PCDH15: variants seen among roughly 807,000 people sequenced by gnomAD.
PCDH15 encodes protocadherin-15.
A neutral mutation model predicts 178.5 loss-of-function variants in PCDH15; 129 were observed. The ratio of observed to expected loss-of-function variants is 0.72; its 90% CI spans 0.63 to 0.84. The LOEUF (loss-of-function observed/expected upper bound fraction) is 0.84, where lower values mean the gene tolerates loss of function less well. PCDH15 is among the 40% of genes least tolerant of loss of function. PCDH15 has a pLI of 0.00. For synonymous variants in PCDH15, 800 were observed against 732.0 expected, an observed-to-expected ratio of 1.09 and a Z score of -1.50; for missense variants, 2,230 against 2,099.9, an observed-to-expected ratio of 1.06 and a Z score of -1.21.
intron 16 of PCDH15, among the ~76,000 whole-genome samples, chr10:54,081,830 T>C (rs1323323526): frequency 6.6e-6 from 1 of 151,780 alleles, no homozygotes; most frequent in African/African-American, 2.4e-5. Context: ...AGGAGTGATG[T>C]CAGTGGAAAT....
At chr10:54,671,655 A>G (rs1430385168) in intron 1 of PCDH15, among the ~76,000 whole-genome samples, 1 of 152,232 alleles carries the variant, frequency 6.6e-6, no homozygotes, top group Non-Finnish European at 1.5e-5. Context: ...CATTTATAGC[A>G]TAAGTGTTTA....
intron 2 of PCDH15, among the ~76,000 whole-genome samples, chr10:54,581,808 A>G (rs2091070714): frequency 6.6e-6 from 1 of 152,086 alleles, no homozygotes; most frequent in Admixed American, 6.6e-5. Flanking sequence ...AAGTTGACAA[A>G]AGTGAACGCT....
intron 3 of PCDH15, among the ~76,000 whole-genome samples, chr10:54,522,087 CAAAAAAA>C (rs11313978): frequency 2.9e-4 from 17 of 58,880 alleles, no homozygotes; most frequent in African/African-American, 5.7e-4. Context: ...GAATCCATCT[CAAAAAAA>C]AAAAAAAAAA....
intron 2 of PCDH15, among the ~76,000 whole-genome samples, chr10:54,662,605 G>A (rs1000393614): frequency 2.0e-5 from 3 of 151,830 alleles, no homozygotes; most frequent in Non-Finnish European, 4.4e-5. Flanking sequence ...ACAAGCTTAC[G>A]AAGAAAACCA....
intron 2 of PCDH15, among the ~76,000 whole-genome samples, chr10:55,482,399 A>G (rs1463058241): frequency 6.6e-6 from 1 of 151,564 alleles, no homozygotes; most frequent in East Asian, 1.9e-4. Context: ...TGTTTTCATG[A>G]TTGCTTTATA....
At chr10:54,221,738 G>C (rs2052840690) in intron 9 of PCDH15, among the ~76,000 whole-genome samples, 1 of 152,006 alleles carries the variant, frequency 6.6e-6, no homozygotes, top group African/African-American at 2.4e-5. Flanking sequence ...GAGTAGCTGG[G>C]ATTACAGGTG....
intron 2 of PCDH15, among the ~76,000 whole-genome samples, chr10:54,619,856 G>A (rs74601744): frequency 6.6e-6 from 1 of 151,938 alleles, no homozygotes; most frequent in African/African-American, 2.4e-5. Context: ...TCTAAGAGTA[G>A]GTTCACTGAT....
chr10:54,695,351 G>A (rs2095205819), intron 1 of PCDH15, among the ~76,000 whole-genome samples: 1 of 152,120 alleles, frequency 6.6e-6, no homozygotes, highest in East Asian at 1.9e-4. Flanking sequence ...TAAATTCTGT[G>A]AAAACTGAGA....
intron 11 of PCDH15, among the ~76,000 whole-genome samples, chr10:54,194,650 C>CTCTA (rs58429895): frequency 0.18 from 26,625 of 147,814 alleles, 2,474 homozygotes; most frequent in East Asian, 0.27. Context: ...GTGTATATAT[C>CTCTA]TCTATCTATC....
chr10:54,048,906 A>C (rs532951479), intron 18 of PCDH15, among the ~76,000 whole-genome samples: 3 of 151,814 alleles, frequency 2.0e-5, no homozygotes, highest in Admixed American at 6.6e-5. Flanking sequence ...AATTCAGTTA[A>C]ATGGTACTGG....
At chr10:54,164,112 T>C (rs1257827604) in intron 13 of PCDH15, among the ~76,000 whole-genome samples, 2 of 152,166 alleles carry the variant, frequency 1.3e-5, no homozygotes, top group African/African-American at 4.8e-5. Context: ...CTAGTGAAAG[T>C]TTATTCCTAG....
At chr10:54,722,801 AAAAAT>A (rs947162946) in intron 1 of PCDH15, among the ~76,000 whole-genome samples, 81 of 151,838 alleles carry the variant, frequency 5.3e-4, no homozygotes, top group African/African-American at 1.9e-3. Flanking sequence ...AATAGCTGCA[AAAAAT>A]AAAATAAAAT....
At chr10:54,171,544 G>C (rs1009588565) in intron 13 of PCDH15, among the ~76,000 whole-genome samples, 6 of 138,952 alleles carry the variant, frequency 4.3e-5, no homozygotes, top group African/African-American at 1.5e-4. Context: ...TCAACTACTC[G>C]TACATGCCCT....
chr10:53,871,580 T>C (rs927853144), intron 26 of PCDH15, among the ~76,000 whole-genome samples: 22 of 152,030 alleles, frequency 1.4e-4, no homozygotes, highest in African/African-American at 5.3e-4. Flanking sequence ...TTTTTTCATA[T>C]TATGTTTATC....
intron 2 of PCDH15, among the ~76,000 whole-genome samples, chr10:55,340,922 T>C (rs1844539844): frequency 6.6e-6 from 1 of 152,002 alleles, no homozygotes; most frequent in Non-Finnish European, 1.5e-5. Flanking sequence ...TTCACATTCT[T>C]ATAGACTATA....
chr10:53,992,604 C>T (rs1564951604), intron 21 of PCDH15, among the ~76,000 whole-genome samples: 1 of 152,152 alleles, frequency 6.6e-6, no homozygotes, highest in Non-Finnish European at 1.5e-5. Flanking sequence ...CCAAAATCTC[C>T]TCATAAATGC....
At chr10:54,396,135 G>C (rs1270167236) in intron 3 of PCDH15, among the ~76,000 whole-genome samples, 1 of 152,146 alleles carries the variant, frequency 6.6e-6, no homozygotes, top group East Asian at 1.9e-4. Context: ...GTTATCCACT[G>C]AAGAGAACTT....
chr10:54,509,229 C>T (rs2081428378), intron 3 of PCDH15, among the ~76,000 whole-genome samples: 1 of 151,914 alleles, frequency 6.6e-6, no homozygotes, highest in Admixed American at 6.6e-5. Context: ...ATAATTTCCA[C>T]GTGTTGTGGG....
intron 3 of PCDH15, among the ~76,000 whole-genome samples, chr10:54,858,371 T>G (rs1485081748): frequency 6.6e-6 from 1 of 152,206 alleles, no homozygotes; most frequent in Non-Finnish European, 1.5e-5. Context: ...GCAATGAACA[T>G]GGTTGCTACT....
Sources: allele counts gnomAD v4.1 joint callset (sites outside exome capture counted in the v4.1 genomes callset), GRCh38; gene constraint gnomAD v4.1.1; transcripts MANE v1.5; gene names NCBI Gene and HGNC (gene_info 2026-07-23, HGNC 2026-07-21).